Variants in ARHGEF10 observed in about 807,000 individuals in gnomAD.
The protein encoded by ARHGEF10 is Rho guanine nucleotide exchange factor (GEF) 10.
A neutral mutation model predicts 147.4 loss-of-function variants in ARHGEF10; 140 were observed. The ratio of observed to expected loss-of-function variants is 0.95; its 90% CI spans 0.83 to 1.09. The LOEUF (loss-of-function observed/expected upper bound fraction) is 1.09. Ranked by LOEUF, ARHGEF10 falls within the 50% of genes least tolerant of loss-of-function variation. The pLI is 0.00. For missense variants in ARHGEF10, 2,222 were observed against 1,752.7 expected (o/e 1.27, Z -4.78); for synonymous variants, 902 against 695.8 (o/e 1.30, Z -4.67).
intron 18 of ARHGEF10, among the ~76,000 whole-genome samples, chr8:1,910,103 A>G (rs1036775198): frequency 2.0e-5 from 3 of 152,154 alleles, no homozygotes; most frequent in Non-Finnish European, 4.4e-5. Flanking sequence ...TAAAAAAAAA[A>G]TCCAAAGAAC....
intron 1 of ARHGEF10, among the ~76,000 whole-genome samples, chr8:1,842,745 T>C (rs867078489): frequency 6.6e-6 from 1 of 152,346 alleles, no homozygotes; most frequent in South Asian, 2.1e-4. Context: ...TTCCCGGGAC[T>C]CGCTGGCATC....
At chr8:1,932,578 G>T (rs1290924968) in intron 25 of ARHGEF10, among the ~76,000 whole-genome samples, 1 of 152,234 alleles carries the variant, frequency 6.6e-6, no homozygotes, top group Non-Finnish European at 1.5e-5. Context: ...CATAATGATA[G>T]ACTGGGCCCT....
rs528003119 is a variant in ARHGEF10, at chr8:1,923,176, T to G, written c.2259+97T>G. On this transcript the variant is annotated intron_variant, in intron 19 of 28. Coordinates refer to ENST00000349830, the MANE Select transcript of ARHGEF10 (RefSeq NM_014629.4). ...TCCAAGTTCTACCAGAAGTGAGAAT[T>G]CATTTTGACTTTAAAAATTAATCTG... 233 of 1,005,940 alleles carry G rather than the reference T, an allele frequency of 2.3e-4. 6 individuals carry two copies. The South Asian group carries it at 3.2e-3, about 14-fold the overall frequency. The allele number at this position is 1,005,940 out of a possible 1,614,324, so 62.3% of individuals were successfully genotyped here.
chr8:1,892,760 T>C (rs1213786732), intron 11 of ARHGEF10, among the ~76,000 whole-genome samples: 2 of 152,010 alleles, frequency 1.3e-5, no homozygotes, highest in Admixed American at 6.6e-5. Flanking sequence ...TATGCGGGAG[T>C]GCGCATGCTG....
intron 27 of ARHGEF10, among the ~76,000 whole-genome samples, chr8:1,947,558 C>T (rs996594049): frequency 1.3e-5 from 2 of 152,090 alleles, no homozygotes; most frequent in African/African-American, 4.8e-5. Flanking sequence ...AGCACTCACG[C>T]CCAGGCTATG....
chr8:1,916,678 C>T (rs1310629701), intron 18 of ARHGEF10, among the ~76,000 whole-genome samples: 1 of 152,172 alleles, frequency 6.6e-6, no homozygotes, highest in Non-Finnish European at 1.5e-5. Context: ...CTATACTTTC[C>T]ATGTTAGAAA....
intron 2 of ARHGEF10, among the ~76,000 whole-genome samples, chr8:1,846,148 A>C (rs1264218193): frequency 6.6e-6 from 1 of 152,140 alleles, no homozygotes; most frequent in African/African-American, 2.4e-5. Context: ...CCCTGGCGGG[A>C]GCCCGGGAGC....
intron 2 of ARHGEF10, among the ~76,000 whole-genome samples, chr8:1,845,748 C>T (rs1471986290): frequency 1.3e-5 from 2 of 152,222 alleles, no homozygotes; most frequent in Admixed American, 6.5e-5. Context: ...GCATGAAATG[C>T]CCATCCACCC....
chr8:1,899,312 A>G (rs1181643895), intron 15 of ARHGEF10, among the ~76,000 whole-genome samples: 2 of 152,202 alleles, frequency 1.3e-5, no homozygotes, highest in Non-Finnish European at 2.9e-5. Context: ...ATTTCAAAGG[A>G]GAGTCTATGC....
At chr8:1,836,686 C>G (rs1803603446) in intron 1 of ARHGEF10, among the ~76,000 whole-genome samples, 1 of 152,092 alleles carries the variant, frequency 6.6e-6, no homozygotes, top group African/African-American at 2.4e-5. Flanking sequence ...AGTCCAGAAA[C>G]AAAGGCGTGG....
At chr8:1,881,987 C>T (rs1808238275) in intron 9 of ARHGEF10, among the ~76,000 whole-genome samples, 1 of 152,204 alleles carries the variant, frequency 6.6e-6, no homozygotes, top group Admixed American at 6.5e-5. Context: ...TGAGTCTAGG[C>T]AGCCGTGAGT....
At chr8:1,870,332 A>T (rs928864015) in intron 7 of ARHGEF10, 2 of 150,554 alleles carry the variant, frequency 1.3e-5, no homozygotes, top group Non-Finnish European at 2.9e-5. Context: ...TTAACTTTGA[A>T]ACCAGTAGTG....
intron 16 of ARHGEF10, chr8:1,903,988 G>T (rs1348904428): frequency 4.9e-5 from 8 of 162,966 alleles, no homozygotes; most frequent in Admixed American, 3.5e-4. Context: ...TCTGAGCTAC[G>T]TGGGAGGCTG....
chr8:1,903,518 G>A (rs768221025), intron 16 of ARHGEF10, 67 bp downstream of exon 16: 1 of 1,584,138 alleles, frequency 6.3e-7, no homozygotes, highest in Non-Finnish European at 8.6e-7. Flanking sequence ...AGCTGTCGTT[G>A]TCCAGCAATA....
intron 4 of ARHGEF10, among the ~76,000 whole-genome samples, chr8:1,863,018 C>T (rs1304688690): frequency 6.6e-6 from 1 of 151,976 alleles, no homozygotes; most frequent in African/African-American, 2.4e-5. Context: ...CTCCTGACCT[C>T]GTGATCCGCC....
intron 1 of ARHGEF10, among the ~76,000 whole-genome samples, chr8:1,832,252 G>A (rs1353444147): frequency 3.3e-5 from 5 of 152,142 alleles, no homozygotes; most frequent in East Asian, 3.9e-4. Context: ...CGGGGGGCGC[G>A]TTGTGTCCAA....
intron 17 of ARHGEF10, among the ~76,000 whole-genome samples, chr8:1,906,177 A>G (rs1256564478): frequency 2.0e-5 from 3 of 152,244 alleles, no homozygotes; most frequent in South Asian, 2.1e-4. Context: ...TCGTTCTCCA[A>G]TGCATGGAAT....
chr8:1,926,555 T>A (rs750783141), intron 23 of ARHGEF10, 92 bp downstream of exon 23: 4 of 1,233,946 alleles, frequency 3.2e-6, no homozygotes, highest in Non-Finnish European at 4.8e-6. Context: ...AATTGCTCAG[T>A]AGAGAGTTGG....
intron 25 of ARHGEF10, among the ~76,000 whole-genome samples, chr8:1,932,985 CA>C (rs1217194499): frequency 6.6e-6 from 1 of 152,170 alleles, no homozygotes; most frequent in Non-Finnish European, 1.5e-5. Flanking sequence ...AGGATAATTA[CA>C]TTAGTCACTT....
Sources: gnomAD v4.1 joint callset for allele counts (sites outside exome capture counted in the v4.1 genomes callset) on GRCh38, gnomAD v4.1.1 for gene constraint, MANE v1.5 for transcripts, NCBI Gene and HGNC (gene_info 2026-07-23, HGNC 2026-07-21) for gene names.